The following TMEM50B variants were observed in gnomAD, a reference collection of about 807,000 sequenced individuals.
TMEM50B encodes the protein transmembrane protein 50B.
In TMEM50B, 14 loss-of-function variants were observed where a neutral mutation model predicts 23.4. The observed-to-expected ratio is 0.60, with a 90% CI of 0.39 to 0.93. The LOEUF (loss-of-function observed/expected upper bound fraction) is 0.93. Among genes scored for constraint, TMEM50B ranks in the 40% least tolerant of loss-of-function variants. TMEM50B has a pLI of 0.00. For synonymous variants in TMEM50B, 64 were observed against 62.3 expected (o/e 1.03, Z -0.13); for missense variants, 159 against 193.0 (o/e 0.82, Z 1.04).
At chr21:33,472,552 G>A (rs1445300400) in intron 1 of TMEM50B, among the ~76,000 whole-genome samples, 4 of 151,746 alleles carry the variant, frequency 2.6e-5, no homozygotes, top group Non-Finnish European at 4.4e-5. Context: ...AAGAAGAAAA[G>A]ACAGAATAAG....
chr21:33,477,786 G>A (rs1373800410), intron 1 of TMEM50B, among the ~76,000 whole-genome samples: 1 of 151,490 alleles, frequency 6.6e-6, no homozygotes, highest in Non-Finnish European at 1.5e-5. Flanking sequence ...ACTCCAGCCT[G>A]GGCAACAAGA....
chr21:33,459,869 C>T (rs1302299609), intron 5 of TMEM50B, among the ~76,000 whole-genome samples: 2 of 151,650 alleles, frequency 1.3e-5, no homozygotes, highest in East Asian at 1.9e-4. Flanking sequence ...TACATAGCAC[C>T]GCCAGCTGGG....
At chr21:33,448,560 A>C (rs1311758172), downstream of TMEM50B, among the ~76,000 whole-genome samples, 1 of 151,920 alleles carries the variant, frequency 6.6e-6, no homozygotes, top group Non-Finnish European at 1.5e-5. Context: ...GGCTCACTGC[A>C]AGCTCTGCCT....
chr21:33,443,421 C>CTAA (rs2084025241), intron 7 of TMEM50B, among the ~76,000 whole-genome samples: 1 of 151,998 alleles, frequency 6.6e-6, no homozygotes, highest in Admixed American at 6.6e-5. Flanking sequence ...CTGTGCACCG[C>CTAA]ACAACCCCAC....
intron 4 of TMEM50B, among the ~76,000 whole-genome samples, chr21:33,462,087 C>T (rs2084222106): frequency 6.6e-6 from 1 of 152,102 alleles, no homozygotes; most frequent in South Asian, 2.1e-4. Flanking sequence ...GTTCTAAGTA[C>T]AATGATCATT....
chr21:33,477,995 C>CGTG (rs1179943923), intron 1 of TMEM50B, among the ~76,000 whole-genome samples: 1 of 151,142 alleles, frequency 6.6e-6, no homozygotes, highest in Non-Finnish European at 1.5e-5. Flanking sequence ...ATTAGCCGGG[C>CGTG]GTGGTGGTGG....
intron 1 of TMEM50B, among the ~76,000 whole-genome samples, chr21:33,473,159 C>CA (rs55661883): frequency 0.23 from 34,753 of 151,512 alleles, 4,515 homozygotes; most frequent in Middle Eastern, 0.32. Context: ...CGCTTTAAGA[C>CA]AAAAAAAATC....
chr21:33,465,278 G>T (rs2084255011), intron 4 of TMEM50B, 64 bp downstream of exon 4: 1 of 1,217,110 alleles, frequency 8.2e-7, no homozygotes. Flanking sequence ...CACAAGAGAG[G>T]CTTTTTTTCT....
intron 8 of TMEM50B, among the ~76,000 whole-genome samples, chr21:33,438,962 T>C (rs1020621038): frequency 7.9e-5 from 12 of 152,134 alleles, no homozygotes; most frequent in Non-Finnish European, 1.5e-4. Context: ...ACTCCTGACC[T>C]CATGATCCAC....
intron 2 of TMEM50B, among the ~76,000 whole-genome samples, chr21:33,467,467 T>C (rs2084274874): frequency 6.6e-6 from 1 of 152,128 alleles, no homozygotes; most frequent in African/African-American, 2.4e-5. Context: ...CTACTAAAAG[T>C]ACAAAAATTA....
chr21:33,473,667 AAAC>A (rs1323690358), intron 1 of TMEM50B, among the ~76,000 whole-genome samples: 90 of 151,890 alleles, frequency 5.9e-4, no homozygotes, highest in Admixed American at 1.6e-3. Context: ...AAAAAAAAAA[AAAC>A]AAGAAGGTGA....
intron 8 of TMEM50B, among the ~76,000 whole-genome samples, chr21:33,438,377 G>A (rs969693837): frequency 1.3e-5 from 2 of 152,232 alleles, no homozygotes; most frequent in Admixed American, 6.5e-5. Flanking sequence ...TGTTGACCAA[G>A]GCAGGGATTT....
downstream of TMEM50B, among the ~76,000 whole-genome samples, chr21:33,448,620 A>G (rs1179082532): frequency 1.3e-5 from 2 of 152,088 alleles, no homozygotes; most frequent in African/African-American, 4.8e-5. Flanking sequence ...AGCTGGGACT[A>G]CAGGTGACCC....
rs987454849 is a variant in TMEM50B, at chr21:33,450,153, T to G, written c.*665A>C. On this transcript the variant is annotated 3_prime_UTR_variant, in exon 7 of 7. Transcript: ENST00000542230. ...TGGCTCAGTGCTCATTCTAGATATA[T>G]GAAGCTATATTTTTTTGTACATCTT... 6.6e-6 allele frequency: 1 copy of G among 152,022 alleles called. No individual in the cohort carries two copies. The highest frequency in any genetic ancestry group is 2.4e-5 in the African/African-American group (1 of 41,492). 9.4% of individuals were successfully genotyped at this position (152,022 alleles called of 1,614,324 possible).
intron 4 of TMEM50B, among the ~76,000 whole-genome samples, chr21:33,461,395 C>T (rs1233203663): frequency 2.0e-5 from 3 of 152,118 alleles, no homozygotes; most frequent in Non-Finnish European, 4.4e-5. Flanking sequence ...AATTTTATTA[C>T]AATACTAAGC....
Position 33,461,943 on chromosome 21 carries a change from GA to G in TMEM50B, c.281-1439del, listed in dbSNP as rs576327628. On this transcript the variant is annotated intron_variant, in intron 4 of 6. Transcript: ENST00000542230. ...GTCTGAGGGCATATTAACAAAAAGA[GA>G]AAAAAAAGAAAAAGAAGTATGCTTT... Among the ~76,000 whole-genome samples the G allele has an allele frequency of 3.3e-5, 5 of 151,448 alleles. No homozygotes were observed. The East Asian group carries it at 9.7e-4, about 29-fold the overall frequency.
At chr21:33,443,468 A>G (rs1419743449) in intron 7 of TMEM50B, among the ~76,000 whole-genome samples, 1 of 149,638 alleles carries the variant, frequency 6.7e-6, no homozygotes, top group African/African-American at 2.5e-5. Context: ...AAAGGCACAC[A>G]GCAACTGCTA....
At chr21:33,474,890 C>T (rs772927716) in intron 1 of TMEM50B, among the ~76,000 whole-genome samples, 3 of 121,808 alleles carry the variant, frequency 2.5e-5, no homozygotes, top group Non-Finnish European at 5.2e-5. Flanking sequence ...AGGACAGAGG[C>T]TACCTCTGGA....
chr21:33,473,176 G>A (rs977520526), intron 1 of TMEM50B, among the ~76,000 whole-genome samples: 1 of 152,056 alleles, frequency 6.6e-6, no homozygotes, highest in Non-Finnish European at 1.5e-5. Context: ...AATCAGGCCA[G>A]GTGTGGTGGC....
Sources: allele counts gnomAD v4.1 joint callset (sites outside exome capture counted in the v4.1 genomes callset), GRCh38; gene constraint gnomAD v4.1.1; transcripts MANE v1.5; gene names NCBI Gene and HGNC (gene_info 2026-07-23, HGNC 2026-07-21).